Variants in PLAAT3 observed in about 807,000 individuals in gnomAD.
PLAAT3 encodes the protein Ca-independent phospholipase A1/2.
In PLAAT3, 21 loss-of-function variants were observed where a neutral mutation model predicts 16.7. That is an observed-to-expected ratio of 1.26 (90% CI 0.89 to 1.81). The LOEUF is 1.81. Ranked by LOEUF, PLAAT3 falls within the 40% of genes most tolerant of loss-of-function variation. The probability of loss-of-function intolerance (pLI) is 0.00; values close to 1 mark genes in which losing one functional copy is unlikely to be tolerated. For synonymous variants in PLAAT3, 76 were observed against 81.7 expected, an observed-to-expected ratio of 0.93 and a Z score of 0.38; for missense variants, 219 against 213.7, an observed-to-expected ratio of 1.02 and a Z score of -0.16.
chr11:63,615,947 C>T (rs1938862898), upstream of PLAAT3, among the ~76,000 whole-genome samples: 1 of 152,164 alleles, frequency 6.6e-6, no homozygotes, highest in South Asian at 2.1e-4. Context: ...GGATTACAGG[C>T]GTGAGCCACC....
At chr11:63,605,384 G>A (rs1361584548) in intron 2 of PLAAT3, among the ~76,000 whole-genome samples, 1 of 152,000 alleles carries the variant, frequency 6.6e-6, no homozygotes, top group Non-Finnish European at 1.5e-5. Flanking sequence ...GGCGACAAGA[G>A]CGAGACTGTC....
At chr11:63,602,922 G>C (rs1938466496) in intron 2 of PLAAT3, among the ~76,000 whole-genome samples, 1 of 152,094 alleles carries the variant, frequency 6.6e-6, no homozygotes, top group Non-Finnish European at 1.5e-5. Flanking sequence ...GTGAAACACT[G>C]TCTCTACTAA....
chr11:63,584,789 C>T (rs762709231), intron 4 of PLAAT3, among the ~76,000 whole-genome samples: 5 of 152,008 alleles, frequency 3.3e-5, no homozygotes, highest in African/African-American at 4.8e-5. Context: ...GGATTACAGG[C>T]GTGAGCCACC....
chr11:63,578,009 G>C (rs996434781), intron 4 of PLAAT3, among the ~76,000 whole-genome samples: 2 of 152,150 alleles, frequency 1.3e-5, no homozygotes, highest in African/African-American at 2.4e-5. Flanking sequence ...CCGGCTGGGT[G>C]CAGTGGCTCA....
chr11:63,577,318 C>T (rs1264978593), intron 4 of PLAAT3, among the ~76,000 whole-genome samples: 1 of 152,066 alleles, frequency 6.6e-6, no homozygotes, highest in African/African-American at 2.4e-5. Flanking sequence ...ATTACAGGCA[C>T]CCGCCACCAC....
intron 4 of PLAAT3, among the ~76,000 whole-genome samples, chr11:63,589,785 A>G (rs1938092803): frequency 6.6e-6 from 1 of 152,138 alleles, no homozygotes; most frequent in Non-Finnish European, 1.5e-5. Context: ...TGGGTCCTAA[A>G]ACCTGCCTTT....
chr11:63,602,307 T>C (rs974794815), intron 2 of PLAAT3, among the ~76,000 whole-genome samples: 2 of 149,806 alleles, frequency 1.3e-5, no homozygotes, highest in Non-Finnish European at 3.0e-5. Context: ...AAATGATGAT[T>C]AAAGGGAACA....
intron 2 of PLAAT3, chr11:63,608,622 G>C (rs1938624005): frequency 6.6e-6 from 1 of 152,204 alleles, no homozygotes; most frequent in Non-Finnish European, 1.5e-5. Context: ...TTTCACTCAA[G>C]GCTATGCAGG....
intron 4 of PLAAT3, among the ~76,000 whole-genome samples, chr11:63,582,001 C>T (rs1937830344): frequency 6.6e-6 from 1 of 152,208 alleles, no homozygotes; most frequent in South Asian, 2.1e-4. Context: ...TCATTTTAGA[C>T]TTCTGGCCCA....
intron 3 of PLAAT3, among the ~76,000 whole-genome samples, chr11:63,595,437 T>C (rs1051911970): frequency 5.9e-5 from 9 of 152,244 alleles, no homozygotes; most frequent in African/African-American, 1.7e-4. Context: ...AAAGAATTCC[T>C]GCTACTCACA....
chr11:63,579,035 C>G (rs1373161333), intron 4 of PLAAT3, among the ~76,000 whole-genome samples: 2 of 151,978 alleles, frequency 1.3e-5, no homozygotes, highest in Non-Finnish European at 2.9e-5. Context: ...AGAAAAAAAA[C>G]AAACAACCCC....
chr11:63,593,731 C>T (rs142570508), intron 3 of PLAAT3, among the ~76,000 whole-genome samples: 1 of 152,256 alleles, frequency 6.6e-6, no homozygotes, highest in Non-Finnish European at 1.5e-5. Context: ...AGTGGCGCGT[C>T]ACCATGCCCG....
chr11:63,602,094 C>G (rs1156394200), intron 2 of PLAAT3, among the ~76,000 whole-genome samples: 1 of 151,312 alleles, frequency 6.6e-6, no homozygotes, highest in Non-Finnish European at 1.5e-5. Context: ...TTGAGACGAG[C>G]CTGGCCAATA....
intron 3 of PLAAT3, among the ~76,000 whole-genome samples, chr11:63,595,543 A>G (rs1184247749): frequency 1.3e-5 from 2 of 152,272 alleles, no homozygotes; most frequent in East Asian, 3.9e-4. Context: ...GAAGTTCTAG[A>G]ACAGGCAAAA....
rs1368804872 is a variant in PLAAT3 at position 63,583,808 on chromosome 11, T to A, written c.387+6292A>T. The stretch of plus-strand genomic sequence containing the variant: ...AATATTAAGAAGACTGTTTTTTTTT[T>A]AAGTGGGCAAACAAATTCTGCCAGA... On this transcript the variant is annotated intron_variant, in intron 4 of 4. Transcript: ENST00000415826. 3.3e-5 allele frequency among the ~76,000 whole-genome samples: 5 copies of A among 152,150 alleles called. No homozygotes were observed. The East Asian group carries it at 7.7e-4, about 23-fold the overall frequency.
upstream of PLAAT3, among the ~76,000 whole-genome samples, chr11:63,615,326 GTATATATGTGTGTATATATGTGTGTA>G (rs1565260161): frequency 1.3e-3 from 13 of 10,222 alleles, 2 homozygotes; most frequent in Admixed American, 8.9e-3. Context: ...ATATATGTGT[GTATATATGTGTGTATATATGTGTGTA>G]TATATATGTG....
chr11:63,591,527 A>T (rs1444754535), intron 3 of PLAAT3, among the ~76,000 whole-genome samples: 2 of 152,232 alleles, frequency 1.3e-5, no homozygotes, highest in Admixed American at 6.5e-5. Flanking sequence ...GTGCCACAGC[A>T]GCACCCTGTT....
intron 2 of PLAAT3, among the ~76,000 whole-genome samples, chr11:63,606,425 A>AACAC (rs34044017): frequency 0.055 from 7,651 of 140,118 alleles, 238 homozygotes; most frequent in Non-Finnish European, 0.068. Flanking sequence ...TCTACTATAA[A>AACAC]ACACACACAC....
chr11:63,591,974 A>G (rs2134410129), intron 3 of PLAAT3, among the ~76,000 whole-genome samples: 1 of 152,278 alleles, frequency 6.6e-6, no homozygotes, highest in East Asian at 1.9e-4. Flanking sequence ...CCTTAAACTT[A>G]TATCTAGATG....
Sources: gnomAD v4.1 joint callset for allele counts (sites outside exome capture counted in the v4.1 genomes callset) on GRCh38, gnomAD v4.1.1 for gene constraint, MANE v1.5 for transcripts, NCBI Gene and HGNC (gene_info 2026-07-23, HGNC 2026-07-21) for gene names.